DPP6: variants seen among roughly 807,000 people sequenced by gnomAD.
DPP6 encodes the protein dipeptidyl peptidase like 6, also known as A-type potassium channel modulatory protein DPP6.
Under a neutral mutation model 122.6 loss-of-function variants are expected in DPP6, and 69 were observed. The observed-to-expected ratio is 0.56, with a 90% CI of 0.46 to 0.69. The LOEUF is 0.69. Ranked by LOEUF, DPP6 falls within the 30% of genes least tolerant of loss-of-function variation. The pLI, the probability that DPP6 is intolerant of heterozygous loss-of-function variation, is 0.00. For synonymous variants in DPP6, 418 were observed against 433.1 expected (o/e 0.97, Z 0.43); for missense variants, 928 against 1,116.9 (o/e 0.83, Z 2.41).
At chr7:154,112,461 A>G (rs1283591398) in intron 1 of DPP6, among the ~76,000 whole-genome samples, 2 of 152,128 alleles carry the variant, frequency 1.3e-5, no homozygotes, top group African/African-American at 4.8e-5. Flanking sequence ...CCTGGCCAAC[A>G]TGGTGAAACC....
chr7:154,002,199 G>A lies in DPP6; in HGVS notation c.51+114465G>A, dbSNP rs528541203. Among the ~76,000 whole-genome samples, 22 of 152,146 alleles carry A rather than the reference G, an allele frequency of 1.4e-4. 1 individual carries two copies. The East Asian group carries it at 4.1e-3, about 28-fold the overall frequency. ...AACAATCACATTTAGCACAGTGCAG[G>A]CTTTCAGTCTTTTCATGTCATGCGT... On this transcript the variant is annotated intron_variant, in intron 1 of 25. Coordinates refer to the DPP6 transcript ENST00000404039.
chr7:154,707,172 C>T (rs62475243), intron 7 of DPP6, among the ~76,000 whole-genome samples: 13,322 of 152,170 alleles, frequency 0.088, 634 homozygotes, highest in South Asian at 0.15. Context: ...AAATGCGGTC[C>T]TCTGTGGTAA....
At chr7:153,875,982 G>T in the DPP6 span, among the ~76,000 whole-genome samples, 2 of 149,272 alleles carry the variant, frequency 1.3e-5, no homozygotes, top group Middle Eastern at 3.5e-3. Flanking sequence ...CAAGCAGTAG[G>T]CAAAATAAAA....
the DPP6 span, among the ~76,000 whole-genome samples, chr7:153,810,636 T>A: frequency 0.37 from 56,240 of 150,054 alleles, 10,822 homozygotes; most frequent in South Asian, 0.48. Context: ...TTTTCTCTCC[T>A]AAATAATCCA....
the DPP6 span, among the ~76,000 whole-genome samples, chr7:153,791,546 C>A: frequency 6.6e-6 from 1 of 150,958 alleles, no homozygotes; most frequent in Non-Finnish European, 1.5e-5. Context: ...CTCAGCCTCC[C>A]GTATAGCTAG....
At chr7:154,016,733 G>A (rs1178451385) in intron 1 of DPP6, among the ~76,000 whole-genome samples, 1 of 152,180 alleles carries the variant, frequency 6.6e-6, no homozygotes, top group Non-Finnish European at 1.5e-5. Flanking sequence ...CTTTCATACT[G>A]TTTTCCACAC....
At chr7:154,150,737 G>A (rs1796369873) in intron 1 of DPP6, among the ~76,000 whole-genome samples, 1 of 152,198 alleles carries the variant, frequency 6.6e-6, no homozygotes, top group Admixed American at 6.5e-5. Flanking sequence ...CCCAGGCCGG[G>A]TCCTCCATGT....
intron 3 of DPP6, among the ~76,000 whole-genome samples, chr7:154,507,750 G>T (rs1825771080): frequency 6.6e-6 from 1 of 152,172 alleles, no homozygotes; most frequent in Non-Finnish European, 1.5e-5. Context: ...ATCTGTGTCT[G>T]AATGTATCGA....
At chr7:154,881,418 C>A (rs1288205309) in intron 21 of DPP6, among the ~76,000 whole-genome samples, 2 of 152,216 alleles carry the variant, frequency 1.3e-5, no homozygotes, top group Admixed American at 1.3e-4. Context: ...AAGGCTGTAG[C>A]CTGGGACAGC....
chr7:154,443,326 A>G (rs1819539065), intron 1 of DPP6, among the ~76,000 whole-genome samples: 1 of 151,300 alleles, frequency 6.6e-6, no homozygotes, highest in Non-Finnish European at 1.5e-5. Flanking sequence ...CCCTTCCCCC[A>G]TTCCTGCACT....
chr7:154,097,782 C>T (rs992516364), intron 1 of DPP6, among the ~76,000 whole-genome samples: 4 of 152,198 alleles, frequency 2.6e-5, no homozygotes, highest in Non-Finnish European at 2.9e-5. Flanking sequence ...AGCAGGGCAA[C>T]GTCCAGGCTC....
At chr7:154,066,290 C>T (rs943701605) in intron 1 of DPP6, among the ~76,000 whole-genome samples, 7 of 152,078 alleles carry the variant, frequency 4.6e-5, no homozygotes, top group Non-Finnish European at 7.3e-5. Context: ...GAACTCCTGG[C>T]CTCAGGTGAT....
chr7:153,862,579 C>T, the DPP6 span, among the ~76,000 whole-genome samples: 16 of 152,300 alleles, frequency 1.1e-4, no homozygotes, highest in African/African-American at 3.8e-4. Flanking sequence ...TTTCAGGCAT[C>T]ATACCTAAAT....
chr7:154,306,987 G>A (rs1014539869), intron 1 of DPP6, among the ~76,000 whole-genome samples: 5 of 152,178 alleles, frequency 3.3e-5, no homozygotes, highest in African/African-American at 1.2e-4. Context: ...TAGTTATGAA[G>A]TAAGTGTGCG....
the DPP6 span, among the ~76,000 whole-genome samples, chr7:153,760,670 C>T: frequency 6.6e-6 from 1 of 151,912 alleles, no homozygotes; most frequent in African/African-American, 2.4e-5. Context: ...GGCTAATTAT[C>T]CCCACTACAA....
At chr7:153,771,047 A>G in the DPP6 span, among the ~76,000 whole-genome samples, 2 of 152,236 alleles carry the variant, frequency 1.3e-5, no homozygotes, top group Admixed American at 1.3e-4. Context: ...GAAATGTTTG[A>G]AGAAATATTG....
At chr7:154,837,461 G>T (rs972446165) in intron 16 of DPP6, among the ~76,000 whole-genome samples, 4 of 152,246 alleles carry the variant, frequency 2.6e-5, no homozygotes, top group African/African-American at 9.6e-5. Context: ...CACACACGTG[G>T]GATGTGCATT....
chr7:154,068,062 A>G (rs1393560968), intron 1 of DPP6, among the ~76,000 whole-genome samples: 1 of 151,952 alleles, frequency 6.6e-6, no homozygotes, highest in Non-Finnish European at 1.5e-5. Context: ...GTGCCTGGCA[A>G]GAGACTCGTT....
intron 7 of DPP6, among the ~76,000 whole-genome samples, chr7:154,702,089 C>G (rs1840562939): frequency 6.6e-6 from 1 of 152,160 alleles, no homozygotes. Flanking sequence ...TTATGGTTAT[C>G]TGGGATTAGT....
Sources: gnomAD v4.1 joint callset for allele counts (sites outside exome capture counted in the v4.1 genomes callset) on GRCh38, gnomAD v4.1.1 for gene constraint, MANE v1.5 for transcripts, NCBI Gene and HGNC (gene_info 2026-07-23, HGNC 2026-07-21) for gene names.